The following AANAT variants were observed in gnomAD, a reference collection of about 807,000 sequenced individuals.
The protein encoded by AANAT is aralkylamine N-acetyltransferase, also known as serotonin N-acetyltransferase.
A neutral mutation model predicts 15.6 loss-of-function variants in AANAT; 11 were observed. That is an observed-to-expected ratio of 0.71 (90% CI 0.44 to 1.17). AANAT has a LOEUF of 1.17. Among genes scored for constraint, AANAT ranks in the 50% most tolerant of loss-of-function variants. The pLI is 0.00. For synonymous variants in AANAT, 139 were observed against 131.5 expected, an observed-to-expected ratio of 1.06 and a Z score of -0.39; for missense variants, 286 against 296.3, an observed-to-expected ratio of 0.97 and a Z score of 0.26.
chr17:76,455,232 A>G (rs1455602080), intron 1 of AANAT, among the ~76,000 whole-genome samples: 1 of 152,220 alleles, frequency 6.6e-6, no homozygotes, highest in Non-Finnish European at 1.5e-5. Flanking sequence ...TGGGTGGATC[A>G]GTTGAGGTCA....
chr17:76,468,798 C>G lies in AANAT; in HGVS notation c.52C>G (p.Pro18Ala), dbSNP rs761686519. 6.2e-7 allele frequency: 1 copy of G among 1,613,568 alleles called. No individual in the cohort carries two copies. Among genetic ancestry groups the G allele is most frequent in the Non-Finnish European group, 8.5e-7 (1 of 1,179,952 alleles). The change falls in exon 2 of 4, where the codon CCT becomes GCT. Residue 18 changes from proline (P) to alanine (A), a missense_variant. By Grantham distance (27) the Pro-to-Ala change is conservative. Coordinates refer to ENST00000392492, the MANE Select transcript of AANAT (RefSeq NM_001088.3). ...PLKPEAPRLP[P>A]GIPESPSCQR... is the part of the protein sequence containing the mutation. Reference sequence around the variant, plus strand: ...GAAACCTGAGGCCCCACGTCTGCCACCTGGGATCCCCGAGTCCCCGAGCTG... The same window carrying G: ...GAAACCTGAGGCCCCACGTCTGCCAGCTGGGATCCCCGAGTCCCCGAGCTG...
chr17:76,462,640 A>C (rs2073399865), upstream of AANAT, among the ~76,000 whole-genome samples: 1 of 152,110 alleles, frequency 6.6e-6, no homozygotes. Flanking sequence ...AACTTGCCGC[A>C]CACAGTTCTC....
chr17:76,466,778 G>C (rs142743425), upstream of AANAT, among the ~76,000 whole-genome samples: 112 of 152,194 alleles, frequency 7.4e-4, no homozygotes, highest in African/African-American at 2.7e-3. Flanking sequence ...TCCAGGGCCC[G>C]GCACATAGCA....
rs541732207 is a variant in AANAT, at chr17:76,468,666, C to A, written c.-75-6C>A. ...GAGACCCCTGTCCCTTGCTGTTCTC[C>A]AACAGGTGCTGGGAGGCCCTCCTTG... On this transcript the variant is annotated splice_region_variant and splice_polypyrimidine_tract_variant and intron_variant, in intron 1 of 3. Transcript: ENST00000392492. 39 of 1,541,036 alleles carry A rather than the reference C, an allele frequency of 2.5e-5. No homozygotes were observed. In the African/African-American group the frequency reaches 4.6e-4, roughly 18 times the overall value.
intron 2 of AANAT, among the ~76,000 whole-genome samples, chr17:76,460,280 C>T (rs1160013045): frequency 1.3e-5 from 2 of 151,640 alleles, no homozygotes; most frequent in Admixed American, 1.3e-4. Context: ...TTCTGAGTAG[C>T]TGGGATTACA....
chr17:76,460,786 G>C (rs1477625976), intron 2 of AANAT, among the ~76,000 whole-genome samples: 1 of 152,104 alleles, frequency 6.6e-6, no homozygotes, highest in Non-Finnish European at 1.5e-5. Flanking sequence ...AGGTTCCTGA[G>C]GTAAGTGCCT....
chr17:76,467,132 G>A (rs2073446656), upstream of AANAT, among the ~76,000 whole-genome samples: 1 of 152,168 alleles, frequency 6.6e-6, no homozygotes, highest in African/African-American at 2.4e-5. Context: ...GGAATGGGTG[G>A]AGCCAAGGTC....
chr17:76,455,513 C>T (rs540033394), intron 1 of AANAT, among the ~76,000 whole-genome samples: 2 of 152,310 alleles, frequency 1.3e-5, no homozygotes, highest in Admixed American at 6.5e-5. Flanking sequence ...TAGATACATT[C>T]TCAGAGGACA....
chr17:76,455,180 CTT>C (rs1227115411), intron 1 of AANAT, among the ~76,000 whole-genome samples: 1 of 152,012 alleles, frequency 6.6e-6, no homozygotes, highest in Non-Finnish European at 1.5e-5. Context: ...AATCCCAACA[CTT>C]TGACTGCGCC....
upstream of AANAT, among the ~76,000 whole-genome samples, chr17:76,464,010 T>A (rs1236563444): frequency 6.6e-6 from 1 of 152,246 alleles, no homozygotes; most frequent in Non-Finnish European, 1.5e-5. Context: ...GTTCTCTGTG[T>A]GCCCTGGACA....
At chr17:76,459,513 C>T (rs964412317) in intron 2 of AANAT, 1 of 152,262 alleles carries the variant, frequency 6.6e-6, no homozygotes, top group Admixed American at 6.5e-5. Context: ...CAATCAAAGC[C>T]TGGGTCTTGG....
intron 1 of AANAT, among the ~76,000 whole-genome samples, chr17:76,454,246 G>A (rs989091111): frequency 6.6e-6 from 1 of 152,084 alleles, no homozygotes; most frequent in Non-Finnish European, 1.5e-5. Flanking sequence ...GGAGGCTGAG[G>A]TGGGCGGATC....
chr17:76,468,541 G>A, intron 1 of AANAT, 131 bp from the exon 2 acceptor site: 1 of 751,056 alleles, frequency 1.3e-6, no homozygotes, highest in South Asian at 1.9e-5. Flanking sequence ...CAGGTACCTG[G>A]GGAATGTGCC....
At chr17:76,468,488 G>A in intron 1 of AANAT, 184 bp from the exon 2 acceptor site, 1 of 603,106 alleles carries the variant, frequency 1.7e-6, no homozygotes, top group Non-Finnish European at 2.9e-6. Flanking sequence ...AAGGTGGGGA[G>A]ACAGTGCCAA....
chr17:76,467,980 C>T (rs1567866384), intron 1 of AANAT, among the ~76,000 whole-genome samples: 1 of 152,024 alleles, frequency 6.6e-6, no homozygotes, highest in African/African-American at 2.4e-5. Flanking sequence ...CTTGCCTGCT[C>T]CTCCCCATTC....
intron 2 of AANAT, among the ~76,000 whole-genome samples, chr17:76,460,586 C>T (rs896159206): frequency 1.3e-5 from 2 of 152,150 alleles, no homozygotes; most frequent in African/African-American, 4.8e-5. Context: ...TAGGCATGAG[C>T]CACCGTGCCC....
At chr17:76,466,330 C>A, upstream of AANAT, 1 of 924,042 alleles carries the variant, frequency 1.1e-6, no homozygotes, top group Non-Finnish European at 1.5e-6. Context: ...AGGGTCCCTT[C>A]TAGCAGGCAG....
Position 76,470,100 on chromosome 17 carries a change from T to C in AANAT, c.*130T>C. ...AGGGCTAAATAAAGAGGAGATAAGG[T>C]GGCTTCTCACGGCCTGAGCTGGAGT... is the stretch of plus-strand genomic sequence containing the variant. On this transcript the variant is annotated 3_prime_UTR_variant, in exon 4 of 4. Coordinates refer to ENST00000392492, the MANE Select transcript of AANAT (RefSeq NM_001088.3). The C allele has an allele frequency of 9.3e-7, 1 of 1,076,218 alleles. No individual in the cohort carries two copies. Among genetic ancestry groups the C allele is most frequent in the Non-Finnish European group, 1.3e-6 (1 of 793,154 alleles). The allele number at this position is 1,076,218 out of a possible 1,614,324, so 66.7% of individuals were successfully genotyped here.
intron 2 of AANAT, among the ~76,000 whole-genome samples, chr17:76,460,357 G>C (rs946440733): frequency 6.6e-6 from 1 of 151,712 alleles, no homozygotes; most frequent in African/African-American, 2.4e-5. Flanking sequence ...TTGCCATGTT[G>C]GCCAGGCTGG....
Sources: gnomAD v4.1 joint callset for allele counts (sites outside exome capture counted in the v4.1 genomes callset) on GRCh38, gnomAD v4.1.1 for gene constraint, MANE v1.5 for transcripts, NCBI Gene and HGNC (gene_info 2026-07-23, HGNC 2026-07-21) for gene names.